TSN: variants seen among roughly 807,000 people sequenced by gnomAD.
The protein encoded by TSN is component 3 of promoter of RISC.
Under a neutral mutation model 29.4 loss-of-function variants are expected in TSN, and 5 were observed. That is an observed-to-expected ratio of 0.17 (90% CI 0.09 to 0.36). The LOEUF is 0.36. Ranked by LOEUF, TSN falls within the 10% of genes least tolerant of loss-of-function variation. The pLI, the probability that TSN is intolerant of heterozygous loss-of-function variation, is 1.00. For synonymous variants in TSN, 106 were observed against 102.2 expected (o/e 1.04, Z -0.23); for missense variants, 159 against 272.8 (o/e 0.58, Z 2.94).
At chr2:121,756,998 G>A (rs2074759540) in intron 1 of TSN, among the ~76,000 whole-genome samples, 2 of 151,934 alleles carry the variant, frequency 1.3e-5, no homozygotes, top group Admixed American at 6.6e-5. Flanking sequence ...GTTCACACAC[G>A]TCATCCATTA....
intron 4 of TSN, among the ~76,000 whole-genome samples, chr2:121,761,962 TG>T (rs2074835875): frequency 1.4e-5 from 2 of 146,228 alleles, no homozygotes; most frequent in Non-Finnish European, 1.5e-5. Flanking sequence ...GGATTACAGG[TG>T]CCTGCCACTA....
chr2:121,756,253 C>T (rs895796832), intron 1 of TSN: 14 of 247,552 alleles, frequency 5.7e-5, no homozygotes, highest in African/African-American at 2.3e-4. Flanking sequence ...TACTGTGGCT[C>T]ACATGGTTTC....
intron 3 of TSN, among the ~76,000 whole-genome samples, chr2:121,761,105 G>A (rs556961668): frequency 6.6e-6 from 1 of 152,138 alleles, no homozygotes; most frequent in African/African-American, 2.4e-5. Flanking sequence ...CCTTACCTCA[G>A]ATTGATCAAC....
chr2:121,755,693 C>T lies in TSN; in HGVS notation c.-87C>T. The T allele has an allele frequency of 1.3e-6, 2 of 1,547,300 alleles. No individual in the cohort carries two copies. The highest frequency in any genetic ancestry group is 8.8e-7 in the Non-Finnish European group (1 of 1,132,742). On this transcript the variant is annotated 5_prime_UTR_variant, in exon 1 of 6. Coordinates refer to ENST00000389682, the MANE Select transcript of TSN (RefSeq NM_004622.3). ...GGGGGGACGCGGCGGTAGCGGCGGC[C>T]GTTGCGATTGATTGCGCTGGTTGCC...
intron 3 of TSN, among the ~76,000 whole-genome samples, chr2:121,759,451 T>C (rs1054908355): frequency 6.6e-6 from 1 of 151,980 alleles, no homozygotes; most frequent in African/African-American, 2.4e-5. Flanking sequence ...CTACTAAAAA[T>C]ACGAAAATTA....
chr2:121,758,670 AT>A, intron 2 of TSN, 39 bp from the exon 3 acceptor site: 2 of 1,467,992 alleles, frequency 1.4e-6, no homozygotes, highest in Non-Finnish European at 1.8e-6. Context: ...TGTATTTGAA[AT>A]TTGGTTAAGT....
At chr2:121,761,595 G>T (rs2074829092) in intron 4 of TSN, 71 bp downstream of exon 4, 1 of 1,198,660 alleles carries the variant, frequency 8.3e-7, no homozygotes, top group Admixed American at 1.8e-5. Context: ...AAGGGTGGTT[G>T]TACTTTGTTT....
In TSN at chr2:121,755,675, C is replaced by A; in HGVS notation, c.-105C>A. On this transcript the variant is annotated 5_prime_UTR_variant, in exon 1 of 6. Transcript: ENST00000389682. ...CGGTCGTGGCGTAAGACCGGGGGGA[C>A]GCGGCGGTAGCGGCGGCCGTTGCGA... The A allele has an allele frequency of 2.7e-6, 4 of 1,474,016 alleles. No individual in the cohort carries two copies. Among genetic ancestry groups the A allele is most frequent in the South Asian group, 1.1e-5 (1 of 87,240 alleles). The allele number at this position is 1,474,016 out of a possible 1,614,324, so 91.3% of individuals were successfully genotyped here.
chr2:121,757,227 T>C lies in TSN; in HGVS notation c.67-13T>C, dbSNP rs1396215117. 7.4e-6 allele frequency: 12 copies of C among 1,611,292 alleles called. No individual in the cohort carries two copies. Among genetic ancestry groups the C allele is most frequent in the Non-Finnish European group, 1.0e-5 (12 of 1,178,020 alleles). On this transcript the variant is annotated splice_polypyrimidine_tract_variant and intron_variant, in intron 1 of 5. Transcript: ENST00000389682. ...CTGTTGAGTATCTGATTTTTATTTT[T>C]AATTCTCTCTAGGAAATCAGAAAAG...
Position 121,766,627 on chromosome 2 carries a change from TAA to T in TSN, c.*1261_*1262del, listed in dbSNP as rs1279538248. ...ACACGCCCCAATTTTCAGGTAGTAC[TAA>T]GAGTATGTGCCAGGAAACTCTTGCT... On this transcript the variant is annotated 3_prime_UTR_variant, in exon 6 of 6. Coordinates refer to ENST00000389682, the MANE Select transcript of TSN (RefSeq NM_004622.3). 2.0e-5 allele frequency: 3 copies of T among 152,348 alleles called. No homozygotes were observed. The highest frequency in any genetic ancestry group is 7.2e-5 in the African/African-American group (3 of 41,580). 9.4% of individuals were successfully genotyped at this position (152,348 alleles called of 1,614,324 possible).
At chr2:121,758,470 C>G (rs1255092529) in intron 2 of TSN, among the ~76,000 whole-genome samples, 1 of 152,182 alleles carries the variant, frequency 6.6e-6, no homozygotes, top group African/African-American at 2.4e-5. Flanking sequence ...GACAACCAAA[C>G]CAATTACCAG....
chr2:121,755,766 G>C lies in TSN; in HGVS notation c.-14G>C, dbSNP rs372764578. On this transcript the variant is annotated 5_prime_UTR_variant, in exon 1 of 6. Transcript: ENST00000389682. ...GCCCTTGCTACACTGGCTGATTGTT[G>C]TGCAGCCGGCGCCATGTCTGTGAGC... 105 of 1,613,284 alleles carry C rather than the reference G, an allele frequency of 6.5e-5. No individual in the cohort carries two copies. Among genetic ancestry groups the C allele is most frequent in the Non-Finnish European group, 8.2e-5 (97 of 1,180,036 alleles).
intron 3 of TSN, among the ~76,000 whole-genome samples, chr2:121,759,434 C>T (rs948038707): frequency 3.9e-5 from 6 of 151,992 alleles, no homozygotes; most frequent in Admixed American, 3.3e-4. Context: ...ATGGCGAAAC[C>T]CCGTCTCTAC....
chr2:121,757,604 T>A, intron 2 of TSN: 1 of 481,064 alleles, frequency 2.1e-6, no homozygotes, highest in Non-Finnish European at 3.6e-6. Flanking sequence ...TGCAGCTCTC[T>A]GCCAGCACAG....
rs2074914218 is a variant in TSN at position 121,767,231 on chromosome 2, T to C, written c.*1864T>C. ...GATTTAGAAGTGTCATGTTTATAAC[T>C]ATTCAGTTGTGTTTGTTGCTGGCTT... On this transcript the variant is annotated 3_prime_UTR_variant, in exon 6 of 6. Transcript: ENST00000389682. The C allele has an allele frequency of 6.6e-6, 1 of 152,226 alleles. No homozygotes were observed. The highest frequency in any genetic ancestry group is 1.9e-4 in the East Asian group (1 of 5,202). The allele number at this position is 152,226 out of a possible 1,614,324, so 9.4% of individuals were successfully genotyped here.
intron 3 of TSN, 64 bp from the exon 4 acceptor site, chr2:121,761,345 G>A: frequency 3.5e-6 from 4 of 1,136,206 alleles, no homozygotes; most frequent in Admixed American, 3.4e-5. Flanking sequence ...GAACATGGCT[G>A]TATTAAACCC....
In TSN at chr2:121,765,410, C is replaced by T. The variant is rs1199342018; in HGVS notation, c.*43C>T. On this transcript the variant is annotated 3_prime_UTR_variant, in exon 6 of 6. Coordinates refer to ENST00000389682, the MANE Select transcript of TSN (RefSeq NM_004622.3). ...TGGCCTTGCTGACCTCAGCGGTTGC[C>T]AGGAAGGGGTGAGCACAGAGTGCCT... 3 of 1,593,384 alleles carry T rather than the reference C, an allele frequency of 1.9e-6. No individual in the cohort carries two copies. Among genetic ancestry groups the T allele is most frequent in the Non-Finnish European group, 2.6e-6 (3 of 1,162,286 alleles).
At chr2:121,764,995 T>G (rs1222054332) in intron 5 of TSN, 139 bp from the exon 6 acceptor site, 1 of 746,146 alleles carries the variant, frequency 1.3e-6, no homozygotes, top group Non-Finnish European at 2.3e-6. Context: ...TCCTGTCTTG[T>G]CTGTACTTGT....
At chr2:121,758,017 G>GTGTGTGTGTGTGTGTA in intron 2 of TSN, among the ~76,000 whole-genome samples, 1 of 150,394 alleles carries the variant, frequency 6.6e-6, no homozygotes, top group East Asian at 1.9e-4. Context: ...TTGGCCCTTT[G>GTGTGTGTGTGTGTGTA]TGTGTGTGTG....
Sources: gnomAD v4.1 joint callset for allele counts (sites outside exome capture counted in the v4.1 genomes callset) on GRCh38, gnomAD v4.1.1 for gene constraint, MANE v1.5 for transcripts, NCBI Gene and HGNC (gene_info 2026-07-23, HGNC 2026-07-21) for gene names.